Variants in SPIRE1 observed in about 807,000 individuals in gnomAD.
SPIRE1 encodes spire type actin nucleation factor 1, also known as protein spire homolog 1.
SPIRE1 carries 40 observed loss-of-function variants against 94.1 expected under a neutral mutation model. The observed-to-expected ratio is 0.43, with a 90% CI of 0.33 to 0.55. The LOEUF (loss-of-function observed/expected upper bound fraction) is 0.55. Ranked by LOEUF, SPIRE1 falls within the 20% of genes least tolerant of loss-of-function variation. SPIRE1 has a pLI of 0.06. For synonymous variants in SPIRE1, 376 were observed against 371.7 expected (o/e 1.01, Z -0.13); for missense variants, 838 against 975.2 (o/e 0.86, Z 1.87).
intron 2 of SPIRE1, among the ~76,000 whole-genome samples, chr18:12,574,778 G>T (rs1476257256): frequency 6.6e-6 from 1 of 152,224 alleles, no homozygotes; most frequent in Non-Finnish European, 1.5e-5. Context: ...GAAACCAAGA[G>T]ATTGGACTGT....
intron 2 of SPIRE1, among the ~76,000 whole-genome samples, chr18:12,621,501 A>G (rs2037466781): frequency 6.6e-6 from 1 of 152,242 alleles, no homozygotes; most frequent in African/African-American, 2.4e-5. Flanking sequence ...ATGGGTAACA[A>G]AATACAGTAT....
intron 4 of SPIRE1, among the ~76,000 whole-genome samples, chr18:12,520,641 G>A (rs745381924): frequency 8.5e-5 from 13 of 152,238 alleles, no homozygotes; most frequent in South Asian, 2.1e-4. Context: ...TCATTAAAAC[G>A]AACACATGGC....
At chr18:12,627,869 C>T (rs2037675414) in intron 2 of SPIRE1, among the ~76,000 whole-genome samples, 1 of 152,170 alleles carries the variant, frequency 6.6e-6, no homozygotes, top group Admixed American at 6.5e-5. Context: ...TGAGAAGTGT[C>T]TGTTCATATC....
intron 2 of SPIRE1, among the ~76,000 whole-genome samples, chr18:12,553,866 AAAC>A (rs760493001): frequency 9.9e-5 from 15 of 152,222 alleles, no homozygotes; most frequent in Non-Finnish European, 1.2e-4. Context: ...AATAAAAGTG[AAAC>A]AACACAATAC....
At chr18:12,525,964 A>G (rs538545358) in intron 4 of SPIRE1, among the ~76,000 whole-genome samples, 2 of 152,028 alleles carry the variant, frequency 1.3e-5, no homozygotes, top group South Asian at 4.2e-4. Flanking sequence ...ATATGCTCAG[A>G]AACTCACTAC....
intron 10 of SPIRE1, among the ~76,000 whole-genome samples, chr18:12,475,168 C>T (rs924571319): frequency 6.6e-6 from 1 of 152,184 alleles, no homozygotes; most frequent in Non-Finnish European, 1.5e-5. Context: ...GCTCACATCT[C>T]ATAACAAAAT....
At chr18:12,607,750 C>A (rs1295803426) in intron 2 of SPIRE1, among the ~76,000 whole-genome samples, 1 of 152,098 alleles carries the variant, frequency 6.6e-6, no homozygotes, top group Admixed American at 6.5e-5. Context: ...TTGTAACACA[C>A]AGAAATGTGT....
chr18:12,590,344 C>A (rs1306374797), intron 2 of SPIRE1, among the ~76,000 whole-genome samples: 1 of 152,192 alleles, frequency 6.6e-6, no homozygotes, highest in Non-Finnish European at 1.5e-5. Flanking sequence ...CCTGCCTTGG[C>A]CTCCCAAAGT....
intron 3 of SPIRE1, 96 bp from the exon 4 acceptor site, chr18:12,535,697 C>T: frequency 8.6e-7 from 1 of 1,168,108 alleles, no homozygotes; most frequent in South Asian, 1.4e-5. Flanking sequence ...TGGTTCACGC[C>T]TGTAATCCCA....
intron 2 of SPIRE1, among the ~76,000 whole-genome samples, chr18:12,586,751 T>C (rs1052141918): frequency 4.6e-5 from 7 of 152,234 alleles, no homozygotes; most frequent in Non-Finnish European, 7.3e-5. Context: ...CAGATAATCA[T>C]GTGTCTGGAA....
chr18:12,506,681 G>T, intron 5 of SPIRE1, 40 bp from the exon 6 acceptor site: 1 of 1,585,454 alleles, frequency 6.3e-7, no homozygotes, highest in Non-Finnish European at 8.6e-7. Context: ...ATGAATAAAT[G>T]TACTAGTTTC....
intron 8 of SPIRE1, among the ~76,000 whole-genome samples, chr18:12,489,449 T>C (rs1278758858): frequency 2.0e-5 from 3 of 152,212 alleles, no homozygotes; most frequent in African/African-American, 7.2e-5. Flanking sequence ...CTGACTACTG[T>C]GTTAAGAAGG....
At chr18:12,575,862 T>G (rs12954606) in intron 2 of SPIRE1, among the ~76,000 whole-genome samples, 13,890 of 152,294 alleles carry the variant, frequency 0.091, 729 homozygotes, top group Non-Finnish European at 0.11. Context: ...CAACGCAATC[T>G]TAAAATCCTA....
At chr18:12,529,797 G>A (rs2034632956) in intron 4 of SPIRE1, among the ~76,000 whole-genome samples, 1 of 152,184 alleles carries the variant, frequency 6.6e-6, no homozygotes, top group Non-Finnish European at 1.5e-5. Context: ...CTAGAGAACA[G>A]AGATTAGGAC....
intron 12 of SPIRE1, among the ~76,000 whole-genome samples, chr18:12,456,774 G>A (rs1226283789): frequency 6.6e-6 from 1 of 152,166 alleles, no homozygotes; most frequent in African/African-American, 2.4e-5. Flanking sequence ...AATGGGCTTA[G>A]TAAAGCATAT....
chr18:12,536,175 T>C (rs1345799626), intron 3 of SPIRE1, among the ~76,000 whole-genome samples: 2 of 152,156 alleles, frequency 1.3e-5, no homozygotes, highest in African/African-American at 4.8e-5. Context: ...AGGACATATG[T>C]AAAAGTTTTG....
At position 12,479,712 on chromosome 18, in the gene SPIRE1, C is replaced by G; in HGVS notation, c.1391G>C (p.Ser464Thr). ...CTGGGGCCTCACCTCAGACTCAGAG[C>G]TGTCCAGTTCGGCCAGAGTTGGGGC... is the stretch of plus-strand genomic sequence containing the variant. ...LRAPTLAELD[S>T]SESEEETLHK... The change falls in exon 10 of 17, where the codon AGC (serine) becomes ACC (threonine). Residue 464 changes from serine to threonine, a missense_variant. Physicochemically the swap from Ser to Thr is moderately conservative, Grantham distance 58 (BLOSUM62 1). Around this residue, in one of 2 missense-constraint regions of SPIRE1, gnomAD observed 645 missense variants for 804.7 expected, o/e 0.80. Coordinates refer to ENST00000409402, the MANE Select transcript of SPIRE1 (RefSeq NM_001128626.2). 1.2e-6 allele frequency: 2 copies of G among 1,612,418 alleles called. No homozygotes were observed. The highest frequency in any genetic ancestry group is 1.7e-6 in the Non-Finnish European group (2 of 1,179,494).
At chr18:12,565,122 GCATAT>G (rs981719982) in intron 2 of SPIRE1, among the ~76,000 whole-genome samples, 4 of 151,990 alleles carry the variant, frequency 2.6e-5, no homozygotes, top group African/African-American at 9.7e-5. Flanking sequence ...CTACACATAA[GCATAT>G]CAGTTTCTAA....
At position 12,459,664 on chromosome 18, in the gene SPIRE1, C is replaced by T. The variant is rs372050024; in HGVS notation, c.1638+3687G>A. ...GATTGGAAGCAAAGTGCTATCTAAG[C>T]GGTTAATTCTCAGAGAACGCAACAG... On this transcript the variant is annotated intron_variant, in intron 12 of 16. Coordinates refer to ENST00000409402, the MANE Select transcript of SPIRE1 (RefSeq NM_001128626.2). 8.4e-5 allele frequency: 61 copies of T among 727,138 alleles called. No homozygotes were observed. The South Asian group carries it at 8.6e-4, about 10-fold the overall frequency. The allele number at this position is 727,138 out of a possible 1,614,324, so 45.0% of individuals were successfully genotyped here.
Sources: allele counts gnomAD v4.1 joint callset (sites outside exome capture counted in the v4.1 genomes callset), GRCh38; gene constraint gnomAD v4.1.1; regional missense constraint gnomAD v4.1.1; transcripts MANE v1.5; gene names NCBI Gene and HGNC (gene_info 2026-07-23, HGNC 2026-07-21).